The following HNRNPC variants were observed in gnomAD, a reference collection of about 807,000 sequenced individuals.
The protein encoded by HNRNPC is heterogeneous nuclear ribonucleoprotein C.
HNRNPC carries 3 observed loss-of-function variants against 33.2 expected under a neutral mutation model. The observed-to-expected ratio is 0.09, with a 90% CI of 0.04 to 0.23. The LOEUF is 0.23. HNRNPC is among the 10% of genes least tolerant of loss of function. The pLI, the probability that HNRNPC is intolerant of heterozygous loss-of-function variation, is 1.00. For synonymous variants in HNRNPC, 121 were observed against 126.7 expected, an observed-to-expected ratio of 0.96 and a Z score of 0.30; for missense variants, 143 against 366.7, an observed-to-expected ratio of 0.39 and a Z score of 4.98.
intron 5 of HNRNPC, among the ~76,000 whole-genome samples, chr14:21,213,816 A>G (rs945265666): frequency 1.3e-5 from 2 of 152,208 alleles, no homozygotes; most frequent in East Asian, 3.8e-4. Context: ...ACCACTGTCT[A>G]TCTTGTTCAC....
intron 2 of HNRNPC, among the ~76,000 whole-genome samples, chr14:21,260,327 C>T (rs1342775283): frequency 6.9e-6 from 1 of 144,002 alleles, no homozygotes; most frequent in African/African-American, 2.6e-5. Context: ...GATCACACCA[C>T]TGCACTCCAG....
chr14:21,222,821 G>A (rs959366380), intron 5 of HNRNPC, among the ~76,000 whole-genome samples: 2 of 152,224 alleles, frequency 1.3e-5, no homozygotes, highest in East Asian at 1.9e-4. Flanking sequence ...GTGAACCAGG[G>A]AGGCAGAGCT....
chr14:21,244,958 G>A (rs1312652396), intron 2 of HNRNPC, among the ~76,000 whole-genome samples: 1 of 151,624 alleles, frequency 6.6e-6, no homozygotes, highest in Non-Finnish European at 1.5e-5. Flanking sequence ...GGTGGCATGC[G>A]CCTGTAGTCC....
chr14:21,226,903 G>C (rs1480318724), intron 5 of HNRNPC, among the ~76,000 whole-genome samples: 1 of 137,066 alleles, frequency 7.3e-6, no homozygotes, highest in Non-Finnish European at 1.6e-5. Flanking sequence ...AAAGGGGGGG[G>C]GGGGACAGTG....
chr14:21,251,658 G>A (rs1896693389), intron 2 of HNRNPC, among the ~76,000 whole-genome samples: 1 of 151,976 alleles, frequency 6.6e-6, no homozygotes, highest in Non-Finnish European at 1.5e-5. Context: ...CTCCAGCCTG[G>A]GCAACAGAGA....
chr14:21,230,171 T>TAATAACC, intron 5 of HNRNPC, 148 bp downstream of exon 5: 1 of 530,088 alleles, frequency 1.9e-6, no homozygotes, highest in East Asian at 3.2e-5. Context: ...AATAATCTAC[T>TAATAACC]TAATGATTTA....
At chr14:21,261,066 G>A (rs1470353627) in intron 2 of HNRNPC, among the ~76,000 whole-genome samples, 1 of 151,880 alleles carries the variant, frequency 6.6e-6, no homozygotes, top group Non-Finnish European at 1.5e-5. Flanking sequence ...TGGGCCAAGG[G>A]ACCCTCCTGC....
At chr14:21,237,031 C>T (rs2139677591) in intron 2 of HNRNPC, among the ~76,000 whole-genome samples, 1 of 152,252 alleles carries the variant, frequency 6.6e-6, no homozygotes, top group South Asian at 2.1e-4. Flanking sequence ...TGAAAAGCAA[C>T]AGGAACGAAA....
chr14:21,260,109 A>G (rs1877950564), intron 2 of HNRNPC, among the ~76,000 whole-genome samples: 1 of 144,346 alleles, frequency 6.9e-6, no homozygotes, highest in Non-Finnish European at 1.5e-5. Flanking sequence ...CTGAGGCAGG[A>G]GAATGGCGTG....
chr14:21,249,265 G>C (rs749063123), intron 2 of HNRNPC, among the ~76,000 whole-genome samples: 1 of 151,932 alleles, frequency 6.6e-6, no homozygotes, highest in Admixed American at 6.6e-5. Flanking sequence ...GAGCAATTCA[G>C]AACTAAACAG....
chr14:21,259,350 T>C (rs1877780198), intron 2 of HNRNPC, among the ~76,000 whole-genome samples: 1 of 152,178 alleles, frequency 6.6e-6, no homozygotes, highest in African/African-American at 2.4e-5. Flanking sequence ...CTGTGAAAAG[T>C]GCCATTTACT....
chr14:21,231,203 T>C (rs2139635879), intron 3 of HNRNPC, 131 bp from the exon 4 acceptor site: 1 of 854,204 alleles, frequency 1.2e-6, no homozygotes, highest in African/African-American at 1.7e-5. Flanking sequence ...GGTGTCACCT[T>C]GGCTCACTGA....
chr14:21,230,324 A>G lies in HNRNPC; in HGVS notation c.360T>C (p.Tyr120=), dbSNP rs1312061395. Residue 120 remains tyrosine, a synonymous_variant, in exon 5 of 9, where the codon TAT becomes TAC. Transcript: ENST00000553300. ...TACAAAACATTTTAACATACCTATC[A>G]TAATAGTCCCGTTGAAAGTCATAGT... The part of the protein sequence containing the change: ...DLDYDFQRDY[Y]DRMYSYPARV... The G allele has an allele frequency of 2.6e-5, 42 of 1,604,128 alleles. No individual in the cohort carries two copies. Among genetic ancestry groups the G allele is most frequent in the African/African-American group, 5.4e-5 (4 of 74,708 alleles).
rs536495467 is a variant in HNRNPC, at chr14:21,259,406, C to T, written c.-37+3905G>A. 2.0e-5 allele frequency among the ~76,000 whole-genome samples: 3 copies of T among 152,292 alleles called. No homozygotes were observed. In the South Asian group the frequency reaches 6.2e-4, roughly 32 times the overall value. ...CTATAATATCTAAGAGGGCAGGGGACATGTTTTGTTCATCCCTATATGCCC... is the reference window on the plus strand; with the variant it reads ...CTATAATATCTAAGAGGGCAGGGGATATGTTTTGTTCATCCCTATATGCCC... On this transcript the variant is annotated intron_variant, in intron 2 of 8. Coordinates refer to ENST00000553300, the MANE Select transcript of HNRNPC (RefSeq NM_004500.4).
chr14:21,229,435 A>G (rs975375439), intron 5 of HNRNPC, among the ~76,000 whole-genome samples: 1 of 152,016 alleles, frequency 6.6e-6, no homozygotes, highest in African/African-American at 2.4e-5. Flanking sequence ...TTGATGATGC[A>G]TTAATGATGC....
chr14:21,239,371 T>G (rs1412271167), intron 2 of HNRNPC, among the ~76,000 whole-genome samples: 1 of 151,984 alleles, frequency 6.6e-6, no homozygotes, highest in African/African-American at 2.4e-5. Flanking sequence ...TCCCAGCTAT[T>G]CGGGAGGCTG....
At chr14:21,212,142 C>T (rs1318523555) in intron 6 of HNRNPC, 1 of 475,644 alleles carries the variant, frequency 2.1e-6, no homozygotes, top group Non-Finnish European at 3.8e-6. Flanking sequence ...AGGGCTGTCG[C>T]TATGTTGACC....
intron 2 of HNRNPC, among the ~76,000 whole-genome samples, chr14:21,239,724 A>C (rs1384770548): frequency 2.0e-5 from 3 of 151,866 alleles, no homozygotes; most frequent in Admixed American, 1.3e-4. Context: ...AAATACAAAA[A>C]CTAGCTGGGT....
intron 5 of HNRNPC, among the ~76,000 whole-genome samples, chr14:21,228,645 G>A (rs968834602): frequency 6.6e-6 from 1 of 151,952 alleles, no homozygotes; most frequent in African/African-American, 2.4e-5. Context: ...ACCTGCCTTG[G>A]CCTCACAAAG....
Sources: gnomAD v4.1 joint callset for allele counts (sites outside exome capture counted in the v4.1 genomes callset) on GRCh38, gnomAD v4.1.1 for gene constraint, MANE v1.5 for transcripts, NCBI Gene and HGNC (gene_info 2026-07-23, HGNC 2026-07-21) for gene names.